The following KIZ variants were observed in gnomAD, a reference collection of about 807,000 sequenced individuals.
KIZ encodes the protein kizuna centrosomal protein, also known as centrosomal protein kizuna.
A neutral mutation model predicts 79.6 loss-of-function variants in KIZ; 68 were observed. The observed-to-expected ratio is 0.85, with a 90% CI of 0.70 to 1.05. The LOEUF (loss-of-function observed/expected upper bound fraction) is 1.05. KIZ is among the 50% of genes least tolerant of loss of function. The probability of loss-of-function intolerance (pLI) is 0.00; values close to 1 mark genes in which losing one functional copy is unlikely to be tolerated. For synonymous variants in KIZ, 280 were observed against 281.8 expected (o/e 0.99, Z 0.06); for missense variants, 797 against 800.4 (o/e 1.00, Z 0.05).
intron 10 of KIZ, among the ~76,000 whole-genome samples, chr20:21,231,193 T>C (rs1280584503): frequency 6.6e-6 from 1 of 152,016 alleles, no homozygotes; most frequent in Non-Finnish European, 1.5e-5. Flanking sequence ...TAGCCAGACA[T>C]GGTGACAGGC....
Position 21,145,621 on chromosome 20 carries a change from A to G in KIZ, c.372A>G (p.Leu124=), listed in dbSNP as rs1300306476. 2 of 1,526,628 alleles carry G rather than the reference A, an allele frequency of 1.3e-6. No individual in the cohort carries two copies. The highest frequency in any genetic ancestry group is 1.2e-5 in the South Asian group (1 of 81,752). The allele number at this position is 1,526,628 out of a possible 1,614,324, so 94.6% of individuals were successfully genotyped here. Residue 124 remains leucine (L), a synonymous_variant, in exon 4 of 13, where the codon CTA becomes CTG. Transcript: ENST00000619189. The stretch of plus-strand genomic sequence containing the variant: ...TATGCTCAAAAGATAGCCTGGGACT[A>G]AAAGAGGAACTGACAGATGAAGACA... ...KMLCSKDSLG[L]KEELTDEDRE...
intron 6 of KIZ, among the ~76,000 whole-genome samples, chr20:21,193,758 A>C (rs1166507260): frequency 6.6e-6 from 1 of 150,836 alleles, no homozygotes; most frequent in Non-Finnish European, 1.5e-5. Context: ...CGCAAGGACA[A>C]AAAACCAAAC....
At chr20:21,128,893 C>T (rs149217835) in intron 1 of KIZ, among the ~76,000 whole-genome samples, 216 of 152,062 alleles carry the variant, frequency 1.4e-3, no homozygotes, top group African/African-American at 4.9e-3. Flanking sequence ...ATTGTGGTAT[C>T]GAGACAAAAA....
intron 4 of KIZ, chr20:21,151,087 A>G (rs933220861): frequency 3.9e-5 from 6 of 152,218 alleles, no homozygotes; most frequent in Admixed American, 2.6e-4. Flanking sequence ...ACCTTACAAA[A>G]TAAGAACTAT....
chr20:21,140,597 C>T (rs758988962), intron 3 of KIZ, among the ~76,000 whole-genome samples: 34 of 152,140 alleles, frequency 2.2e-4, no homozygotes, highest in Admixed American at 1.4e-3. Flanking sequence ...AGGATATTGA[C>T]GTGTTATGTA....
rs759241162 is a variant in KIZ, at chr20:21,136,513, A to G, written c.276A>G (p.Val92=). Residue 92 remains valine (V), a synonymous_variant, in exon 3 of 13, where the codon GTA becomes GTG. Transcript: ENST00000619189. ...KRFERVQAHV[V]HFTTNTEKLQ... is the part of the protein sequence containing the mutation. ...TTGAGCGTGTCCAAGCTCATGTTGT[A>G]CACTTCACCACAAATACAGAGAAGC... is the stretch of plus-strand genomic sequence containing the variant. 1.3e-6 allele frequency: 2 copies of G among 1,592,234 alleles called. No individual in the cohort carries two copies. The highest frequency in any genetic ancestry group is 1.7e-6 in the Non-Finnish European group (2 of 1,170,768).
intron 7 of KIZ, among the ~76,000 whole-genome samples, chr20:21,208,635 G>A (rs1187284979): frequency 1.3e-5 from 2 of 151,924 alleles, no homozygotes; most frequent in African/African-American, 2.4e-5. Context: ...CCCAGGAGGC[G>A]GAGCTTGCGG....
chr20:21,161,486 C>T (rs908147693), intron 4 of KIZ, among the ~76,000 whole-genome samples: 1 of 30,106 alleles, frequency 3.3e-5, no homozygotes, highest in Non-Finnish European at 1.4e-4. Flanking sequence ...CACCTGCCAC[C>T]GTGCCCGGCT....
chr20:21,150,461 GTT>G (rs2033063740), intron 4 of KIZ, among the ~76,000 whole-genome samples: 1 of 152,236 alleles, frequency 6.6e-6, no homozygotes, highest in Non-Finnish European at 1.5e-5. Flanking sequence ...GCTCTGAGCA[GTT>G]GCCTTCACGG....
At chr20:21,223,685 T>TC (rs2036571702) in intron 9 of KIZ, among the ~76,000 whole-genome samples, 3 of 149,236 alleles carry the variant, frequency 2.0e-5, no homozygotes, top group Admixed American at 1.3e-4. Context: ...TTTTTTTTTT[T>TC]CAGAGATGGA....
At chr20:21,239,748 C>T (rs1352830957) in intron 11 of KIZ, among the ~76,000 whole-genome samples, 2 of 152,168 alleles carry the variant, frequency 1.3e-5, no homozygotes, top group Admixed American at 6.5e-5. Flanking sequence ...CCTGACTCCA[C>T]GTATAGAGTG....
intron 6 of KIZ, among the ~76,000 whole-genome samples, chr20:21,184,211 G>A (rs1345716284): frequency 3.3e-5 from 5 of 150,082 alleles, no homozygotes; most frequent in South Asian, 2.1e-4. Flanking sequence ...GCAATGGTGC[G>A]ATCTCAGATC....
At chr20:21,142,424 A>G (rs1201021296) in intron 3 of KIZ, among the ~76,000 whole-genome samples, 2 of 152,072 alleles carry the variant, frequency 1.3e-5, no homozygotes, top group Non-Finnish European at 1.5e-5. Flanking sequence ...GACTGAAATT[A>G]ATTCTTCCAT....
At chr20:21,132,059 T>C in intron 1 of KIZ, 38 bp from the exon 2 acceptor site, 3 of 860,074 alleles carry the variant, frequency 3.5e-6, no homozygotes, top group Non-Finnish European at 3.8e-6. Context: ...TCCCTGTTAC[T>C]TATCATGTAA....
intron 3 of KIZ, among the ~76,000 whole-genome samples, chr20:21,136,795 T>G (rs2122378401): frequency 6.6e-6 from 1 of 152,298 alleles, no homozygotes; most frequent in South Asian, 2.1e-4. Flanking sequence ...TTTTAATCTT[T>G]TTTTTGCTAA....
At chr20:21,201,617 C>T (rs1048568480) in intron 6 of KIZ, among the ~76,000 whole-genome samples, 1 of 152,186 alleles carries the variant, frequency 6.6e-6, no homozygotes, top group Admixed American at 6.5e-5. Flanking sequence ...TTAAATTTCA[C>T]CTTTCTGATT....
intron 7 of KIZ, among the ~76,000 whole-genome samples, chr20:21,214,242 G>A (rs556041646): frequency 1.3e-5 from 2 of 152,180 alleles, no homozygotes; most frequent in African/African-American, 4.8e-5. Context: ...ATTAACAGAG[G>A]TGGTCACGTT....
chr20:21,126,078 A>C, upstream of KIZ: 1 of 1,473,224 alleles, frequency 6.8e-7, no homozygotes, highest in South Asian at 1.3e-5. Context: ...CCGAACGGCC[A>C]CCCAGAGGCT....
intron 2 of KIZ, 110 bp from the exon 3 acceptor site, chr20:21,136,279 TA>T: frequency 1.5e-6 from 1 of 672,744 alleles, no homozygotes; most frequent in African/African-American, 1.8e-5. Context: ...GTGGTTTGGG[TA>T]AAATACCTTA....
Sources: allele counts gnomAD v4.1 joint callset (sites outside exome capture counted in the v4.1 genomes callset), GRCh38; gene constraint gnomAD v4.1.1; transcripts MANE v1.5; gene names NCBI Gene and HGNC (gene_info 2026-07-23, HGNC 2026-07-21).